RBFOX1: variants seen among roughly 807,000 people sequenced by gnomAD.
RBFOX1 encodes RNA binding fox-1 homolog 1, also known as RNA binding protein fox-1 homolog 1.
Under a neutral mutation model 57.7 loss-of-function variants are expected in RBFOX1, and 8 were observed. The ratio of observed to expected loss-of-function variants is 0.14; its 90% CI spans 0.08 to 0.25. The LOEUF (loss-of-function observed/expected upper bound fraction) is 0.25. Among genes scored for constraint, RBFOX1 ranks in the 10% least tolerant of loss-of-function variants. The pLI is 1.00. For synonymous variants in RBFOX1, 326 were observed against 222.4 expected (o/e 1.47, Z -4.15); for missense variants, 611 against 548.5 (o/e 1.11, Z -1.14).
chr16:6,216,114 C>T (rs2097334313), intron 1 of RBFOX1, among the ~76,000 whole-genome samples: 1 of 152,072 alleles, frequency 6.6e-6, no homozygotes, highest in South Asian at 2.1e-4. Flanking sequence ...GAATAACGCA[C>T]ACCGGGGCCT....
In RBFOX1 at chr16:5,517,926, G is replaced by T. The variant is rs2043853337; in HGVS notation, c.258+50672G>T. 2.1e-5 allele frequency among the ~76,000 whole-genome samples: 3 copies of T among 141,248 alleles called. No individual in the cohort carries two copies. In the South Asian group the frequency reaches 6.8e-4, roughly 32 times the overall value. The allele number at this position is 141,248 out of a possible 152,430, so 92.7% of individuals were successfully genotyped here. A position where few individuals can be genotyped will look rare whatever the true frequency, so the allele number is the denominator to read the frequency against. ...GTGTATATTTATAAAATATGCAAAAGCTACTGTGTGTGTGTGTGTGTGTGT... is the reference window on the plus strand; with the variant it reads ...GTGTATATTTATAAAATATGCAAAATCTACTGTGTGTGTGTGTGTGTGTGT... On this transcript the variant is annotated intron_variant, in intron 2 of 2. Transcript: ENST00000585867.
At chr16:6,584,923 G>A (rs935403531) in intron 2 of RBFOX1, among the ~76,000 whole-genome samples, 9 of 152,156 alleles carry the variant, frequency 5.9e-5, no homozygotes, top group African/African-American at 9.7e-5. Flanking sequence ...GGGGACCTGC[G>A]TTGAAAACCA....
chr16:7,184,946 A>C (rs1362751879), intron 4 of RBFOX1, among the ~76,000 whole-genome samples: 1 of 152,214 alleles, frequency 6.6e-6, no homozygotes, highest in Admixed American at 6.5e-5. Flanking sequence ...TTGATACTTT[A>C]CATATGTTAC....
chr16:5,651,353 G>A (rs372580235), intron 3 of RBFOX1, among the ~76,000 whole-genome samples: 6 of 151,978 alleles, frequency 3.9e-5, no homozygotes, highest in East Asian at 3.9e-4. Flanking sequence ...ATGCCCAGCC[G>A]GAATCCTAGC....
chr16:7,118,647 T>G (rs756607484), intron 4 of RBFOX1, among the ~76,000 whole-genome samples: 1 of 152,110 alleles, frequency 6.6e-6, no homozygotes, highest in Non-Finnish European at 1.5e-5. Context: ...TCATATTCCA[T>G]TGGTTAGAAA....
chr16:6,634,275 G>A lies in RBFOX1; in HGVS notation c.-63-20328G>A, dbSNP rs192775329. Among the ~76,000 whole-genome samples the A allele has an allele frequency of 7.0e-4, 106 of 152,164 alleles. 1 individual carries two copies. Among genetic ancestry groups the A allele is most frequent in the African/African-American group, 2.4e-3 (99 of 41,490 alleles). On this transcript the variant is annotated intron_variant, in intron 2 of 15. Transcript: ENST00000550418. ...CTTTAAGAAAATGATTAGTGCAACA[G>A]GAAAGCAGATTGGCTGAGTCCCTCA...
intron 3 of RBFOX1, among the ~76,000 whole-genome samples, chr16:5,679,333 T>C (rs1461433993): frequency 1.3e-5 from 2 of 149,744 alleles, no homozygotes; most frequent in Admixed American, 1.3e-4. Context: ...CAATTCTCTC[T>C]CTTTTTTTTT....
intron 4 of RBFOX1, among the ~76,000 whole-genome samples, chr16:7,195,926 C>A (rs1258359860): frequency 1.3e-5 from 2 of 151,880 alleles, no homozygotes; most frequent in Non-Finnish European, 2.9e-5. Flanking sequence ...GGTTAGCCCA[C>A]GTGATATGAT....
chr16:6,921,225 A>G (rs542526154), intron 3 of RBFOX1, among the ~76,000 whole-genome samples: 1 of 152,218 alleles, frequency 6.6e-6, no homozygotes, highest in Non-Finnish European at 1.5e-5. Context: ...ACACACATTT[A>G]GCAATTTAAA....
chr16:5,412,939 G>T (rs552699694), intron 1 of RBFOX1, among the ~76,000 whole-genome samples: 2 of 152,204 alleles, frequency 1.3e-5, no homozygotes, highest in Non-Finnish European at 2.9e-5. Context: ...TGAGCGTTAC[G>T]GTTGAAACAA....
chr16:7,704,327 C>T (rs1474767643), intron 14 of RBFOX1, among the ~76,000 whole-genome samples: 3 of 152,160 alleles, frequency 2.0e-5, no homozygotes, highest in Non-Finnish European at 4.4e-5. Flanking sequence ...TCCCTGAAGG[C>T]TTTTGATGAG....
intron 5 of RBFOX1, among the ~76,000 whole-genome samples, chr16:7,536,861 G>C (rs1426944321): frequency 1.3e-5 from 2 of 152,154 alleles, no homozygotes; most frequent in Non-Finnish European, 2.9e-5. Context: ...TGCTTTTCTG[G>C]AGAGCTGGTT....
intron 3 of RBFOX1, among the ~76,000 whole-genome samples, chr16:6,973,631 C>A (rs937864198): frequency 6.6e-6 from 1 of 152,052 alleles, no homozygotes; most frequent in Non-Finnish European, 1.5e-5. Flanking sequence ...ATCAAAGAAA[C>A]ATTTTTTTTA....
chr16:6,574,715 C>T (rs1373985578), intron 2 of RBFOX1, among the ~76,000 whole-genome samples: 1 of 129,740 alleles, frequency 7.7e-6, no homozygotes, highest in South Asian at 2.7e-4. Context: ...GGCGTGACTA[C>T]CGCGCCCGGC....
intron 1 of RBFOX1, among the ~76,000 whole-genome samples, chr16:5,297,661 G>C (rs1345004574): frequency 6.6e-6 from 1 of 152,064 alleles, no homozygotes; most frequent in African/African-American, 2.4e-5. Context: ...CAGATGTATG[G>C]TTTGCAAATA....
intron 1 of RBFOX1, among the ~76,000 whole-genome samples, chr16:6,057,825 G>GTTTTTTTTTTTT (rs34335596): frequency 1.2e-5 from 1 of 81,124 alleles, no homozygotes; most frequent in African/African-American, 5.4e-5. Flanking sequence ...TTTGCTATGG[G>GTTTTTTTTTTTT]TTTTTTTTTT....
chr16:5,318,353 T>C (rs1375953951), intron 1 of RBFOX1, among the ~76,000 whole-genome samples: 3 of 152,046 alleles, frequency 2.0e-5, no homozygotes, highest in Non-Finnish European at 4.4e-5. Context: ...GGTCTCAAAC[T>C]CCTGACCTCA....
intron 4 of RBFOX1, among the ~76,000 whole-genome samples, chr16:7,237,150 T>C (rs944667978): frequency 1.3e-5 from 2 of 152,188 alleles, no homozygotes; most frequent in East Asian, 1.9e-4. Context: ...CCAAATGTCA[T>C]TGGGATAGGC....
intron 2 of RBFOX1, among the ~76,000 whole-genome samples, chr16:6,424,859 GAAAC>G (rs2152994584): frequency 6.6e-6 from 1 of 152,226 alleles, no homozygotes; most frequent in East Asian, 1.9e-4. Flanking sequence ...CTATTAAATG[GAAAC>G]AAACAAGTTA....
Sources: gnomAD v4.1 joint callset for allele counts (sites outside exome capture counted in the v4.1 genomes callset) on GRCh38, gnomAD v4.1.1 for gene constraint, MANE v1.5 for transcripts, NCBI Gene and HGNC (gene_info 2026-07-23, HGNC 2026-07-21) for gene names.